PLA2R1: variants seen among roughly 807,000 people sequenced by gnomAD.
The protein encoded by PLA2R1 is secretory phospholipase A2 receptor.
A neutral mutation model predicts 195.9 loss-of-function variants in PLA2R1; 158 were observed. The ratio of observed to expected loss-of-function variants is 0.81; its 90% CI spans 0.71 to 0.92. The LOEUF (loss-of-function observed/expected upper bound fraction) is 0.92, where lower values mean the gene tolerates loss of function less well. Ranked by LOEUF, PLA2R1 falls within the 40% of genes least tolerant of loss-of-function variation. The probability of loss-of-function intolerance (pLI) is 0.00; values close to 1 mark genes in which losing one functional copy is unlikely to be tolerated. For synonymous variants in PLA2R1, 586 were observed against 598.2 expected, an observed-to-expected ratio of 0.98 and a Z score of 0.30; for missense variants, 1,626 against 1,764.6, an observed-to-expected ratio of 0.92 and a Z score of 1.41.
At chr2:160,015,450 A>G (rs2667044) in intron 9 of PLA2R1, among the ~76,000 whole-genome samples, 110,310 of 152,150 alleles carry the variant, frequency 0.73, 40,455 homozygotes, top group East Asian at 0.87. Flanking sequence ...ATGAACTCAG[A>G]AACTTTAAAT....
At chr2:160,024,401 T>C (rs950702234) in intron 6 of PLA2R1, among the ~76,000 whole-genome samples, 5 of 152,224 alleles carry the variant, frequency 3.3e-5, no homozygotes, top group South Asian at 4.2e-4. Context: ...TGAGCTGGCT[T>C]ATCACCCTGC....
At chr2:160,062,152 A>G (rs1696004078) in intron 1 of PLA2R1, 143 bp downstream of exon 1, 2 of 598,610 alleles carry the variant, frequency 3.3e-6, no homozygotes, top group South Asian at 2.2e-5. Flanking sequence ...CATGCTCAGG[A>G]CTGCTGACAC....
At chr2:159,988,993 T>A (rs561009265) in intron 11 of PLA2R1, among the ~76,000 whole-genome samples, 9 of 152,324 alleles carry the variant, frequency 5.9e-5, no homozygotes, top group African/African-American at 2.2e-4. Flanking sequence ...GGCAAGATGG[T>A]TCTGATCTGG....
rs778604466 is a variant in PLA2R1, at chr2:159,987,259, T to C, written c.1934A>G (p.Gln645Arg). 6.2e-7 allele frequency: 1 copy of C among 1,613,678 alleles called. No homozygotes were observed. Among genetic ancestry groups the C allele is most frequent in the Non-Finnish European group, 8.5e-7 (1 of 1,179,914 alleles). Residue 645 changes from glutamine (Q) to arginine (R), a missense_variant, in exon 12 of 30, where the codon CAG becomes CGG. Transcript: ENST00000283243. Reference sequence around the variant, plus strand: ...TGCTTTTTCCTGATTTTCAACTGGCTGCTTGCACAAGGACATTGCCTTAAA... The same window carrying C: ...TGCTTTTTCCTGATTTTCAACTGGCCGCTTGCACAAGGACATTGCCTTAAA... ...RHFKAMSLCK[Q>R]PVENQEKAEY...
At chr2:160,044,029 C>T (rs1019911133) in intron 2 of PLA2R1, among the ~76,000 whole-genome samples, 8 of 151,652 alleles carry the variant, frequency 5.3e-5, no homozygotes, top group African/African-American at 1.5e-4. Flanking sequence ...TACAAAAATG[C>T]GGGATGAATG....
intron 23 of PLA2R1, among the ~76,000 whole-genome samples, chr2:159,954,144 T>C (rs1036248056): frequency 2.0e-5 from 3 of 152,188 alleles, no homozygotes; most frequent in African/African-American, 2.4e-5. Context: ...GGATGACTTA[T>C]GTTTTTAAGC....
chr2:159,930,014 A>G (rs1226654356), downstream of PLA2R1, among the ~76,000 whole-genome samples: 1 of 152,176 alleles, frequency 6.6e-6, no homozygotes, highest in African/African-American at 2.4e-5. Flanking sequence ...GTTCTCACTC[A>G]TAAGTGGGAG....
rs2105277280 is a variant in PLA2R1, at chr2:159,977,358, A to C, written c.2327T>G (p.Val776Gly). Residue 776 changes from valine (V) to glycine (G), a missense_variant, in exon 15 of 30, where the codon GTT becomes GGT. Coordinates refer to ENST00000283243, the MANE Select transcript of PLA2R1 (RefSeq NM_007366.5). ...YFGEDARNCAVYKANKTLLPL... is the reference protein window; with the variant it reads ...YFGEDARNCAGYKANKTLLPL... Reference sequence around the variant, plus strand: ...CAGCAATGTTTTGTTTGCCTTATAAACAGCACAGTTTCTTGCATCTTCTCC... The same window carrying C: ...CAGCAATGTTTTGTTTGCCTTATAACCAGCACAGTTTCTTGCATCTTCTCC... 1 of 1,613,040 alleles carries C rather than the reference A, an allele frequency of 6.2e-7. No homozygotes were observed. The highest frequency in any genetic ancestry group is 2.2e-5 in the East Asian group (1 of 44,842).
At chr2:159,959,187 A>G (rs1197140632) in intron 20 of PLA2R1, among the ~76,000 whole-genome samples, 4 of 152,168 alleles carry the variant, frequency 2.6e-5, no homozygotes, top group Non-Finnish European at 4.4e-5. Flanking sequence ...GCACATATTA[A>G]TTATTGGGAA....
In PLA2R1 at chr2:160,062,400, G is replaced by A. The variant is rs377532339; in HGVS notation, c.4C>T (p.Leu2=). The A allele has an allele frequency of 1.7e-5, 26 of 1,540,674 alleles. No homozygotes were observed. The highest frequency in any genetic ancestry group is 8.4e-5 in the South Asian group (7 of 83,646). Residue 2 remains leucine (L), a synonymous_variant, in exon 1 of 30, where the codon CTG becomes TTG. Coordinates refer to ENST00000283243, the MANE Select transcript of PLA2R1 (RefSeq NM_007366.5). ...AGCAGCAGCAGCGACGGCGACAGCA[G>A]CATCGCTAACCACTGGGCTCTCCGG... is the stretch of plus-strand genomic sequence containing the variant. M[L]LSPSLLLLLL... is the part of the protein sequence containing the mutation.
Position 159,951,540 on chromosome 2 carries a change from G to C in PLA2R1, c.3340C>G (p.Pro1114Ala). Reference protein sequence around the residue: ...GHGVNTSDMYPMPNTLEYGNR... With the variant: ...GHGVNTSDMYAMPNTLEYGNR... ...CCATATTCTAAGGTATTGGGCATTG[G>C]ATACATATCAGATGTATTTACACCG... is the stretch of plus-strand genomic sequence containing the variant. Residue 1114 changes from proline (P) to alanine (A), a missense_variant, in exon 24 of 30, where the codon CCA becomes GCA. Transcript: ENST00000283243. 6.3e-7 allele frequency: 1 copy of C among 1,593,830 alleles called. No homozygotes were observed. The highest frequency in any genetic ancestry group is 8.6e-7 in the Non-Finnish European group (1 of 1,161,044).
At chr2:159,956,681 T>C in intron 20 of PLA2R1, 54 bp from the exon 21 acceptor site, 3 of 1,083,994 alleles carry the variant, frequency 2.8e-6, no homozygotes, top group Non-Finnish European at 4.2e-6. Context: ...CTAAGTGAAT[T>C]AAAAATTTCC....
At chr2:160,053,749 G>A (rs909369459) in intron 1 of PLA2R1, among the ~76,000 whole-genome samples, 5 of 152,248 alleles carry the variant, frequency 3.3e-5, no homozygotes, top group Non-Finnish European at 7.3e-5. Context: ...TGTAGGGCAG[G>A]AGTTGGGAGG....
At chr2:159,928,541 A>T (rs958594871), downstream of PLA2R1, among the ~76,000 whole-genome samples, 4 of 152,262 alleles carry the variant, frequency 2.6e-5, no homozygotes, top group Non-Finnish European at 5.9e-5. Flanking sequence ...TACCATGTTC[A>T]TGGATAGGTG....
At chr2:160,037,289 T>C (rs954458267) in intron 3 of PLA2R1, among the ~76,000 whole-genome samples, 1 of 152,198 alleles carries the variant, frequency 6.6e-6, no homozygotes, top group African/African-American at 2.4e-5. Context: ...TAAAACTCTT[T>C]TGATAGCTTT....
chr2:160,025,588 C>CAAAAAAAAAAAAAAAAAAAAAAAAAAAGA (rs56365741), intron 6 of PLA2R1, among the ~76,000 whole-genome samples: 1 of 52,868 alleles, frequency 1.9e-5, no homozygotes, highest in Non-Finnish European at 3.2e-5. Flanking sequence ...AACCATAAAG[C>CAAAAAAAAAAAAAAAAAAAAAAAAAAAGA]AAAAAAAAAA....
chr2:160,021,234 A>T (rs1693088624), intron 7 of PLA2R1, among the ~76,000 whole-genome samples: 1 of 152,200 alleles, frequency 6.6e-6, no homozygotes, highest in Admixed American at 6.5e-5. Context: ...TCAAAGAACT[A>T]AAAATAGAAC....
chr2:160,020,819 C>T (rs1038644703), intron 7 of PLA2R1, among the ~76,000 whole-genome samples: 1 of 152,246 alleles, frequency 6.6e-6, no homozygotes, highest in African/African-American at 2.4e-5. Context: ...TCTTTGTATT[C>T]TACTATAATC....
At chr2:160,061,008 T>C (rs1204556112) in intron 1 of PLA2R1, among the ~76,000 whole-genome samples, 4 of 152,366 alleles carry the variant, frequency 2.6e-5, no homozygotes, top group South Asian at 2.1e-4. Context: ...TTGTTCTACC[T>C]GCCCCTGATT....
Sources: gnomAD v4.1 joint callset for allele counts (sites outside exome capture counted in the v4.1 genomes callset) on GRCh38, gnomAD v4.1.1 for gene constraint, MANE v1.5 for transcripts, NCBI Gene and HGNC (gene_info 2026-07-23, HGNC 2026-07-21) for gene names.